Variants in RELT observed in about 807,000 individuals in gnomAD.
RELT encodes the protein RELT TNF receptor.
Under a neutral mutation model 51.1 loss-of-function variants are expected in RELT, and 37 were observed. The observed-to-expected ratio is 0.72, with a 90% confidence interval of 0.56 to 0.95. The LOEUF is 0.95. Among genes scored for constraint, RELT ranks in the 40% least tolerant of loss-of-function variants. RELT has a pLI of 0.00. For missense variants in RELT, 535 were observed against 572.6 expected (o/e 0.93, Z 0.67); for synonymous variants, 241 against 235.7 (o/e 1.02, Z -0.21).
intron 1 of RELT, among the ~76,000 whole-genome samples, chr11:73,382,399 G>A (rs970914944): frequency 6.6e-6 from 1 of 152,220 alleles, no homozygotes; most frequent in African/African-American, 2.4e-5. Flanking sequence ...TTTTATGGCC[G>A]GGGCAGGTGG....
intron 1 of RELT, among the ~76,000 whole-genome samples, chr11:73,378,580 C>A (rs1023215379): frequency 6.6e-6 from 1 of 152,230 alleles, no homozygotes; most frequent in African/African-American, 2.4e-5. Context: ...CACCCACCTT[C>A]CTAATAACTG....
chr11:73,391,137 C>T lies in RELT; in HGVS notation c.288-7C>T, dbSNP rs368138431. ...CTGGGCCTCAGTGGTATCTTCCCTC[C>T]TCGCAGGTGGTTTGGGCCTTGGGGG... On this transcript the variant is annotated splice_polypyrimidine_tract_variant and splice_region_variant and intron_variant, in intron 4 of 10. Transcript: ENST00000064780. 8 of 1,612,554 alleles carry T rather than the reference C, an allele frequency of 5.0e-6. No homozygotes were observed. Among genetic ancestry groups the T allele is most frequent in the Non-Finnish European group, 6.8e-6 (8 of 1,179,272 alleles).
rs1866326660 is a variant in RELT at position 73,396,856 on chromosome 11, G to A, written c.*1365G>A. On this transcript the variant is annotated 3_prime_UTR_variant, in exon 11 of 11. Coordinates refer to ENST00000064780, the MANE Select transcript of RELT (RefSeq NM_152222.2). ...TAGCTAGAGGCAGGGCTGTCCCACA[G>A]AAATAGTGTGAGCCACATATGTGAC... is the stretch of plus-strand genomic sequence containing the variant. The A allele has an allele frequency of 6.6e-6, 1 of 152,212 alleles. No individual in the cohort carries two copies. Among genetic ancestry groups the A allele is most frequent in the Admixed American group, 6.5e-5 (1 of 15,288 alleles). The allele number at this position is 152,212 out of a possible 1,614,324, so 9.4% of individuals were successfully genotyped here. A position where few individuals can be genotyped will look rare whatever the true frequency, so the allele number is the denominator to read the frequency against.
chr11:73,381,740 A>G (rs1421621393), intron 1 of RELT, among the ~76,000 whole-genome samples: 1 of 152,144 alleles, frequency 6.6e-6, no homozygotes, highest in Non-Finnish European at 1.5e-5. Flanking sequence ...ACTACCCCTT[A>G]CATTCCTGAC....
At position 73,390,637 on chromosome 11, in the gene RELT, C is replaced by T; in HGVS notation, c.120+12C>T. 1 of 1,613,282 alleles carries T rather than the reference C, an allele frequency of 6.2e-7. No homozygotes were observed. The highest frequency in any genetic ancestry group is 8.5e-7 in the Non-Finnish European group (1 of 1,179,548). On this transcript the variant is annotated intron_variant, in intron 3 of 10. Coordinates refer to ENST00000064780, the MANE Select transcript of RELT (RefSeq NM_152222.2). ...AGGAGCCCGACCTGGTGAGCATTGC[C>T]CTGCTCTCCTGCCTGTCCTGGGAGG...
At position 73,386,369 on chromosome 11, in the gene RELT, G is replaced by A. The variant is rs1386164394; in HGVS notation, c.-25-2743G>A. On this transcript the variant is annotated intron_variant, in intron 1 of 10. Coordinates refer to ENST00000064780, the MANE Select transcript of RELT (RefSeq NM_152222.2). Reference sequence around the variant, plus strand: ...GACCTTCAGATATCCCCTCCCAGCCGAGGGGGCTTCCATCTAACTGTTTTT... The same window carrying A: ...GACCTTCAGATATCCCCTCCCAGCCAAGGGGGCTTCCATCTAACTGTTTTT... Among the ~76,000 whole-genome samples, 7 of 152,238 alleles carry A rather than the reference G, an allele frequency of 4.6e-5. No individual in the cohort carries two copies. In the East Asian group the frequency reaches 7.7e-4, roughly 17 times the overall value.
At chr11:73,390,479 T>G (rs1866192764) in intron 2 of RELT, 72 bp from the exon 3 acceptor site, 8 of 1,391,036 alleles carry the variant, frequency 5.8e-6, no homozygotes, top group Middle Eastern at 1.8e-4. Flanking sequence ...AGGAAATAGG[T>G]GGGGGATAGA....
chr11:73,387,003 T>C (rs1255323195), intron 1 of RELT, among the ~76,000 whole-genome samples: 3 of 151,028 alleles, frequency 2.0e-5, no homozygotes, highest in Admixed American at 6.6e-5. Context: ...TGGAGTACAG[T>C]GGCACAATCT....
chr11:73,395,060 G>A, intron 9 of RELT, 27 bp from the exon 10 acceptor site: 1 of 1,590,950 alleles, frequency 6.3e-7, no homozygotes, highest in Middle Eastern at 1.7e-4. Context: ...CCCGCTAACG[G>A]GGATGATTGC....
chr11:73,382,721 CTGTCTT>C (rs1866068623), intron 1 of RELT, among the ~76,000 whole-genome samples: 1 of 152,222 alleles, frequency 6.6e-6, no homozygotes, highest in African/African-American at 2.4e-5. Flanking sequence ...GCATGGAACA[CTGTCTT>C]TGAGGGGTTC....
chr11:73,394,157 G>A lies in RELT; in HGVS notation c.707-79G>A, dbSNP rs1190834588. 19 of 1,320,618 alleles carry A rather than the reference G, an allele frequency of 1.4e-5. No homozygotes were observed. The highest frequency in any genetic ancestry group is 2.0e-5 in the Non-Finnish European group (19 of 941,484). The allele number at this position is 1,320,618 out of a possible 1,614,324, so 81.8% of individuals were successfully genotyped here. A position where few individuals can be genotyped will look rare whatever the true frequency, so the allele number is the denominator to read the frequency against. ...GGAGTGGTGGTATGGAGGGTAGGTG[G>A]GGGGTTCTCTGCTGGGGCAGGGGGT... On this transcript the variant is annotated intron_variant, in intron 7 of 10. Coordinates refer to ENST00000064780, the MANE Select transcript of RELT (RefSeq NM_152222.2). The surrounding 1 kb of genome is among the most constrained non-coding windows in gnomAD (Gnocchi z 4.9).
At chr11:73,378,161 C>G (rs977515402) in intron 1 of RELT, among the ~76,000 whole-genome samples, 1 of 152,188 alleles carries the variant, frequency 6.6e-6, no homozygotes, top group Admixed American at 6.5e-5. Flanking sequence ...GGTACCCTTT[C>G]GCCATCTGGG....
chr11:73,380,251 G>C (rs190311838), intron 1 of RELT, among the ~76,000 whole-genome samples: 151 of 152,328 alleles, frequency 9.9e-4, no homozygotes, highest in African/African-American at 3.4e-3. Flanking sequence ...CAGCACCTGT[G>C]TGCTGGGAGG....
intron 2 of RELT, 73 bp downstream of exon 2, chr11:73,389,254 CAG>C (rs1275353696): frequency 2.8e-6 from 3 of 1,082,248 alleles, no homozygotes; most frequent in South Asian, 1.6e-5. Flanking sequence ...CAAGAGGGTG[CAG>C]ACACTCCCGG....
chr11:73,389,026 C>T, intron 1 of RELT, 86 bp from the exon 2 acceptor site: 1 of 737,714 alleles, frequency 1.4e-6, no homozygotes, highest in South Asian at 1.5e-5. Flanking sequence ...CCCATGAGTC[C>T]TGTCATCCTG....
chr11:73,394,645 TCCCAGCCTTCTG>T lies in RELT; in HGVS notation c.960_971del (p.Ser321_Pro324del). On this transcript the variant is annotated inframe_deletion, in exon 9 of 11. Transcript: ENST00000064780. The surrounding 1 kb of genome is among the most constrained non-coding windows in gnomAD (Gnocchi z 4.9). ...AGGCTGTAGCCGCCACTACTCCTGTTCCCAGCCTTCTGCCTAACCCGACCAGGGTTCCCAAGG... is the reference window on the plus strand; with the variant it reads ...AGGCTGTAGCCGCCACTACTCCTGTTCCTAACCCGACCAGGGTTCCCAAGG... 1 of 1,613,830 alleles carries T rather than the reference TCCCAGCCTTCTG, an allele frequency of 6.2e-7. No homozygotes were observed. The highest frequency in any genetic ancestry group is 8.5e-7 in the Non-Finnish European group (1 of 1,180,018).
intron 3 of RELT, 34 bp from the exon 4 acceptor site, chr11:73,390,721 T>G: frequency 6.2e-7 from 1 of 1,608,058 alleles, no homozygotes; most frequent in Non-Finnish European, 8.5e-7. Context: ...CAGGCTTGGC[T>G]CCTGGCCATG....
chr11:73,395,227 T>C lies in RELT; in HGVS notation c.1187T>C (p.Leu396Pro). The C allele has an allele frequency of 6.2e-7, 1 of 1,613,136 alleles. No individual in the cohort carries two copies. Among genetic ancestry groups the C allele is most frequent in the Non-Finnish European group, 8.5e-7 (1 of 1,179,922 alleles). Residue 396 changes from leucine (L) to proline (P), a missense_variant, in exon 10 of 11, where the codon CTA becomes CCA. Transcript: ENST00000064780. ...PGLPPEQQAL[L>P]GSGGSRTKWL... ...CTCCCCCCTGAGCAGCAGGCCCTGC[T>C]AGGAAGTGGCGGAAGCCGTACAAAG...
intron 6 of RELT, 50 bp downstream of exon 6, chr11:73,392,518 C>T: frequency 1.3e-6 from 2 of 1,578,752 alleles, no homozygotes; most frequent in Non-Finnish European, 1.7e-6. Context: ...ACGAGCCCAG[C>T]CCCAGCTCCA....
Sources: allele counts gnomAD v4.1 joint callset (sites outside exome capture counted in the v4.1 genomes callset), GRCh38; gene constraint gnomAD v4.1.1; non-coding constraint Gnocchi (gnomAD v3.1); transcripts MANE v1.5; gene names NCBI Gene and HGNC (gene_info 2026-07-23, HGNC 2026-07-21).